The following NFASC variants were observed in gnomAD, a reference collection of about 807,000 sequenced individuals.
NFASC encodes neurofascin homolog.
A neutral mutation model predicts 147.5 loss-of-function variants in NFASC; 43 were observed. That is an observed-to-expected ratio of 0.29 (90% confidence interval 0.23 to 0.38). NFASC has a LOEUF of 0.38. Ranked by LOEUF, NFASC falls within the 10% of genes least tolerant of loss-of-function variation. NFASC has a pLI of 1.00. For synonymous variants in NFASC, 622 were observed against 665.5 expected (o/e 0.93, Z 1.01); for missense variants, 1,320 against 1,689.0 (o/e 0.78, Z 3.83).
At chr1:204,901,859 C>T (rs1478063055) in intron 1 of NFASC, among the ~76,000 whole-genome samples, 3 of 151,964 alleles carry the variant, frequency 2.0e-5, no homozygotes, top group African/African-American at 7.3e-5. Context: ...AGCTCACCCG[C>T]GGTAATGGAG....
At chr1:205,013,842 G>A (rs533273084) in intron 29 of NFASC, among the ~76,000 whole-genome samples, 32 of 152,246 alleles carry the variant, frequency 2.1e-4, no homozygotes, top group African/African-American at 5.8e-4. Context: ...CTGCCACTCT[G>A]CCCATCAGCC....
Position 205,016,197 on chromosome 1 carries a change from C to A in NFASC, c.3492-111C>A. The stretch of plus-strand genomic sequence containing the variant: ...AGGGGAGGGTGAAGCGGGGGCTGGA[C>A]TGGGCGGTCTCCTGGATCCCATCCT... On this transcript the variant is annotated intron_variant, in intron 29 of 29. Coordinates refer to ENST00000339876, the MANE Select transcript of NFASC (RefSeq NM_001005388.3). The surrounding 1 kb of genome is among the most constrained non-coding windows in gnomAD (Gnocchi z 5.1). The A allele has an allele frequency of 1.3e-6, 1 of 755,938 alleles. No homozygotes were observed. The highest frequency in any genetic ancestry group is 1.5e-5 in the South Asian group (1 of 64,640). 46.8% of individuals were successfully genotyped at this position (755,938 alleles called of 1,614,324 possible). A position where few individuals can be genotyped will look rare whatever the true frequency, so the allele number is the denominator to read the frequency against.
chr1:204,973,197 G>T, intron 11 of NFASC, 79 bp from the exon 12 acceptor site: 1 of 1,516,534 alleles, frequency 6.6e-7, no homozygotes, highest in Non-Finnish European at 9.0e-7. Context: ...TTGTTCCTGG[G>T]AGCCCTGGCC....
intron 1 of NFASC, among the ~76,000 whole-genome samples, chr1:204,914,835 G>C (rs187816479): frequency 2.4e-4 from 36 of 152,206 alleles, no homozygotes; most frequent in Admixed American, 1.3e-3. Context: ...TAACAGTCTT[G>C]CAAATATAAG....
intron 1 of NFASC, among the ~76,000 whole-genome samples, chr1:204,881,659 G>T (rs943396539): frequency 6.6e-6 from 1 of 152,106 alleles, no homozygotes; most frequent in Non-Finnish European, 1.5e-5. Context: ...TGAAGAACAC[G>T]GGATAGTAGA....
intron 1 of NFASC, among the ~76,000 whole-genome samples, chr1:204,833,942 G>A (rs975941474): frequency 6.6e-6 from 1 of 152,158 alleles, no homozygotes; most frequent in Non-Finnish European, 1.5e-5. Context: ...ATAGTGAAAG[G>A]CCCAATGTAA....
At chr1:204,875,008 T>A (rs542617047) in intron 1 of NFASC, among the ~76,000 whole-genome samples, 1 of 152,286 alleles carries the variant, frequency 6.6e-6, no homozygotes, top group East Asian at 1.9e-4. Flanking sequence ...GGAAACACGT[T>A]AAGTGACTTG....
chr1:204,871,202 G>A, intron 1 of NFASC: 1 of 896,426 alleles, frequency 1.1e-6, no homozygotes. Flanking sequence ...TAAGACTGTG[G>A]TTGTGCACAA....
At chr1:204,994,949 C>T (rs75869934) in intron 24 of NFASC, among the ~76,000 whole-genome samples, 8,509 of 151,958 alleles carry the variant, frequency 0.056, 364 homozygotes, top group South Asian at 0.16. Context: ...CCCATCTCTA[C>T]AAGAAATACA....
chr1:204,982,603 T>C (rs1321995073), intron 21 of NFASC, among the ~76,000 whole-genome samples: 1 of 152,214 alleles, frequency 6.6e-6, no homozygotes, highest in Non-Finnish European at 1.5e-5. Flanking sequence ...GAGAAGGTCT[T>C]TGGGGGCTGG....
intron 1 of NFASC, among the ~76,000 whole-genome samples, chr1:204,836,050 C>G (rs1673699509): frequency 6.6e-6 from 1 of 152,128 alleles, no homozygotes; most frequent in Non-Finnish European, 1.5e-5. Flanking sequence ...TTTAAACAAC[C>G]ATTTGGTGAA....
At chr1:204,921,117 A>G (rs1168383446) in intron 2 of NFASC, among the ~76,000 whole-genome samples, 1 of 152,164 alleles carries the variant, frequency 6.6e-6, no homozygotes, top group Non-Finnish European at 1.5e-5. Context: ...GCCCTGGCAT[A>G]TGGGAGACAG....
At chr1:204,944,448 TGGGCAGA>T in intron 3 of NFASC, 42 bp downstream of exon 3, 1 of 485,926 alleles carries the variant, frequency 2.1e-6, no homozygotes, top group Non-Finnish European at 3.7e-6. Context: ...TTCCTGATTT[TGGGCAGA>T]GGGGTGGGAG....
intron 8 of NFASC, among the ~76,000 whole-genome samples, chr1:204,967,163 C>T (rs1157132034): frequency 6.6e-6 from 1 of 152,218 alleles, no homozygotes; most frequent in East Asian, 1.9e-4. Context: ...CCCCATTAAA[C>T]CCATGGGTGG....
intron 4 of NFASC, 102 bp from the exon 5 acceptor site, chr1:204,951,909 T>C (rs996938572): frequency 3.4e-5 from 30 of 870,280 alleles, no homozygotes; most frequent in Non-Finnish European, 2.0e-5. Context: ...ACTTGCCTGC[T>C]TGCATGTGTG....
intron 27 of NFASC, among the ~76,000 whole-genome samples, 193 bp downstream of exon 27, chr1:205,002,941 A>C (rs893186009): frequency 1.3e-4 from 20 of 152,318 alleles, no homozygotes; most frequent in Non-Finnish European, 2.4e-4. Flanking sequence ...CCCAGTGTGC[A>C]TGCGTAGTGG....
chr1:204,934,946 G>A (rs76199558), intron 2 of NFASC, among the ~76,000 whole-genome samples: 33 of 152,370 alleles, frequency 2.2e-4, no homozygotes, highest in African/African-American at 7.9e-4. Context: ...AGAGTTCTCT[G>A]TGTGCTGGAC....
chr1:204,902,368 T>C lies in NFASC; in HGVS notation c.-199-18264T>C, dbSNP rs139418961. On this transcript the variant is annotated intron_variant, in intron 1 of 29. Coordinates refer to ENST00000339876, the MANE Select transcript of NFASC (RefSeq NM_001005388.3). ...CCTATTACACATATCAACTAATACG[T>C]TGGCCTTATTTGGATTCTGACTCAA... Among the ~76,000 whole-genome samples the C allele has an allele frequency of 1.1e-4, 17 of 152,338 alleles. No individual in the cohort carries two copies. In the East Asian group the frequency reaches 1.7e-3, roughly 16 times the overall value.
intron 1 of NFASC, among the ~76,000 whole-genome samples, chr1:204,856,448 A>G (rs1037434947): frequency 2.6e-5 from 4 of 151,342 alleles, no homozygotes; most frequent in Non-Finnish European, 4.4e-5. Flanking sequence ...TGCCAAACAT[A>G]TGTAAAAAAG....
Sources: gnomAD v4.1 joint callset for allele counts (sites outside exome capture counted in the v4.1 genomes callset) on GRCh38, gnomAD v4.1.1 for gene constraint, Gnocchi (gnomAD v3.1) non-coding constraint, MANE v1.5 for transcripts, NCBI Gene and HGNC (gene_info 2026-07-23, HGNC 2026-07-21) for gene names.